The following GPC6 variants were observed in gnomAD, a reference collection of about 807,000 sequenced individuals.
GPC6 encodes the protein glypican-6.
A neutral mutation model predicts 55.2 loss-of-function variants in GPC6; 14 were observed. The ratio of observed to expected loss-of-function variants is 0.25; its 90% CI spans 0.17 to 0.40. The LOEUF is 0.40. Ranked by LOEUF, GPC6 falls within the 10% of genes least tolerant of loss-of-function variation. The pLI is 1.00. For missense variants in GPC6, 641 were observed against 708.5 expected (o/e 0.90, Z 1.08); for synonymous variants, 278 against 259.6 (o/e 1.07, Z -0.68).
At chr13:93,445,157 G>A (rs1471162050) in intron 1 of GPC6, among the ~76,000 whole-genome samples, 1 of 152,176 alleles carries the variant, frequency 6.6e-6, no homozygotes, top group Non-Finnish European at 1.5e-5. Context: ...TATTAGAGGA[G>A]TTGGAAAAAT....
At chr13:93,341,964 T>C (rs1468619127) in intron 1 of GPC6, among the ~76,000 whole-genome samples, 1 of 151,458 alleles carries the variant, frequency 6.6e-6, no homozygotes, top group African/African-American at 2.4e-5. Context: ...TTGCCCAGGC[T>C]GGAGTACAGT....
intron 3 of GPC6, among the ~76,000 whole-genome samples, chr13:93,962,832 CA>C (rs1879848390): frequency 1.3e-5 from 2 of 152,236 alleles, no homozygotes; most frequent in South Asian, 4.1e-4. Flanking sequence ...TAAGCACACA[CA>C]GTGGTGTCTG....
At chr13:93,325,615 G>A (rs1180611601) in intron 1 of GPC6, among the ~76,000 whole-genome samples, 1 of 152,012 alleles carries the variant, frequency 6.6e-6, no homozygotes, top group Non-Finnish European at 1.5e-5. Flanking sequence ...TCACTTACTG[G>A]GTACAATGAT....
chr13:93,551,990 G>T (rs3814275), intron 2 of GPC6, among the ~76,000 whole-genome samples: 27,173 of 151,998 alleles, frequency 0.18, 2,798 homozygotes, highest in East Asian at 0.3. Context: ...TATTTCTGTG[G>T]ATTGTGCTGC....
chr13:93,688,331 C>T (rs1882124546), intron 2 of GPC6, among the ~76,000 whole-genome samples: 1 of 152,072 alleles, frequency 6.6e-6, no homozygotes, highest in African/African-American at 2.4e-5. Context: ...AAAGCCCTTT[C>T]TCATTTAACT....
In GPC6 at chr13:93,739,766, C is replaced by A. The variant is rs117500978; in HGVS notation, c.320-90388C>A. Among the ~76,000 whole-genome samples the A allele has an allele frequency of 5.4e-3, 826 of 152,230 alleles. 4 individuals carry two copies. The highest frequency in any genetic ancestry group is 8.6e-3 in the Non-Finnish European group (582 of 68,012). ...TCGAGTGTCCATTGTATGTCAGGCC[C>A]TTTTCTAGGTTCTAACACTAGCGTA... On this transcript the variant is annotated intron_variant, in intron 2 of 8. Transcript: ENST00000377047.
chr13:93,994,435 C>G (rs1881446436), intron 3 of GPC6, among the ~76,000 whole-genome samples: 2 of 152,068 alleles, frequency 1.3e-5, no homozygotes, highest in South Asian at 4.1e-4. Flanking sequence ...TTATTTGTTC[C>G]TATAGAGCAC....
chr13:93,692,969 C>T (rs552424747), intron 2 of GPC6, among the ~76,000 whole-genome samples: 1 of 152,066 alleles, frequency 6.6e-6, no homozygotes, highest in African/African-American at 2.4e-5. Context: ...GTTACCTAGC[C>T]TGGTTTCCAT....
chr13:94,076,759 G>T (rs758599227), intron 4 of GPC6, among the ~76,000 whole-genome samples: 2 of 151,726 alleles, frequency 1.3e-5, no homozygotes, highest in Admixed American at 1.3e-4. Flanking sequence ...TGTATTTTTG[G>T]TACCTTTTTT....
At chr13:93,481,796 T>C (rs1855616683) in intron 1 of GPC6, among the ~76,000 whole-genome samples, 1 of 152,158 alleles carries the variant, frequency 6.6e-6, no homozygotes, top group African/African-American at 2.4e-5. Context: ...CTCATGCTAG[T>C]AGTACAGTGC....
intron 4 of GPC6, among the ~76,000 whole-genome samples, chr13:94,028,341 A>G (rs918634457): frequency 6.6e-6 from 1 of 152,016 alleles, no homozygotes; most frequent in Non-Finnish European, 1.5e-5. Context: ...TATAAACATT[A>G]TTTTACATTT....
chr13:94,024,993 G>A (rs1361048592), intron 3 of GPC6, among the ~76,000 whole-genome samples: 1 of 152,132 alleles, frequency 6.6e-6, no homozygotes, highest in Non-Finnish European at 1.5e-5. Flanking sequence ...CATAGCACAA[G>A]GTTATAAAAT....
chr13:93,682,237 G>A lies in GPC6; in HGVS notation c.319+136816G>A, dbSNP rs527439881. ...TATGGGGCAGTGTCCCAGGAGCAAC[G>A]CAACGTCTCTAGGGAAAGTGAAGGA... On this transcript the variant is annotated intron_variant, in intron 2 of 8. Coordinates refer to ENST00000377047, the MANE Select transcript of GPC6 (RefSeq NM_005708.5). 1.6e-4 allele frequency among the ~76,000 whole-genome samples: 24 copies of A among 152,270 alleles called. No homozygotes were observed. The South Asian group carries it at 5.0e-3, about 32-fold the overall frequency.
chr13:94,297,866 T>G (rs1034448874), intron 5 of GPC6, among the ~76,000 whole-genome samples: 1 of 151,884 alleles, frequency 6.6e-6, no homozygotes, highest in African/African-American at 2.4e-5. Flanking sequence ...TGAGGACCAT[T>G]GTAATCAATC....
intron 1 of GPC6, among the ~76,000 whole-genome samples, chr13:93,461,478 C>A (rs982979790): frequency 3.3e-5 from 5 of 152,068 alleles, no homozygotes; most frequent in Non-Finnish European, 7.4e-5. Flanking sequence ...CTTTACAATT[C>A]ACTGATTTCC....
At chr13:93,973,550 AAG>A (rs1418951412) in intron 3 of GPC6, among the ~76,000 whole-genome samples, 1 of 114,036 alleles carries the variant, frequency 8.8e-6, no homozygotes, top group Non-Finnish European at 2.1e-5. Flanking sequence ...ATAAAAAAAT[AAG>A]AGAGTGAGAG....
intron 2 of GPC6, among the ~76,000 whole-genome samples, chr13:93,689,030 C>T (rs536131581): frequency 5.3e-5 from 8 of 152,110 alleles, no homozygotes; most frequent in African/African-American, 1.9e-4. Flanking sequence ...TAGGTCATCT[C>T]TATTTCTACT....
chr13:93,485,838 T>C (rs1290956724), intron 1 of GPC6, among the ~76,000 whole-genome samples: 2 of 152,112 alleles, frequency 1.3e-5, no homozygotes, highest in Non-Finnish European at 2.9e-5. Context: ...GTCCAGGTAA[T>C]GATGGGGTAT....
At chr13:93,975,119 T>G (rs1045387467) in intron 3 of GPC6, among the ~76,000 whole-genome samples, 1 of 152,166 alleles carries the variant, frequency 6.6e-6, no homozygotes, top group Admixed American at 6.6e-5. Flanking sequence ...GGCCCAGCTA[T>G]CATTACTTTA....
Sources: allele counts gnomAD v4.1 joint callset (sites outside exome capture counted in the v4.1 genomes callset), GRCh38; gene constraint gnomAD v4.1.1; transcripts MANE v1.5; gene names NCBI Gene and HGNC (gene_info 2026-07-23, HGNC 2026-07-21).